The following PTPN5 variants were observed in gnomAD, a reference collection of about 807,000 sequenced individuals.
PTPN5 encodes the protein protein tyrosine phosphatase non-receptor type 5, also known as tyrosine-protein phosphatase non-receptor type 5.
PTPN5 carries 29 observed loss-of-function variants against 73.9 expected under a neutral mutation model. The observed-to-expected ratio is 0.39, with a 90% confidence interval of 0.29 to 0.54. The LOEUF is 0.54. Ranked by LOEUF, PTPN5 falls within the 20% of genes least tolerant of loss-of-function variation. The probability of loss-of-function intolerance (pLI) is 0.65; values close to 1 mark genes in which losing one functional copy is unlikely to be tolerated. For synonymous variants in PTPN5, 267 were observed against 304.7 expected (o/e 0.88, Z 1.29); for missense variants, 652 against 751.4 (o/e 0.87, Z 1.55).
upstream of PTPN5, chr11:18,791,799 G>C (rs1194579927): frequency 1.3e-5 from 2 of 151,996 alleles, no homozygotes; most frequent in African/African-American, 4.8e-5. Flanking sequence ...CTGCAGAGTC[G>C]CTGGCGCAGC....
At chr11:18,783,445 T>A (rs1564933903) in intron 1 of PTPN5, among the ~76,000 whole-genome samples, 1 of 152,238 alleles carries the variant, frequency 6.6e-6, no homozygotes, top group East Asian at 1.9e-4. Flanking sequence ...GAAAGCCTTC[T>A]CTGACCTCCG....
chr11:18,752,971 T>C (rs904068898), intron 3 of PTPN5, among the ~76,000 whole-genome samples: 1 of 152,206 alleles, frequency 6.6e-6, no homozygotes, highest in African/African-American at 2.4e-5. Flanking sequence ...GCCATGCTCA[T>C]CTTTAAGCCT....
In PTPN5 at chr11:18,743,281, A is replaced by G; in HGVS notation, c.399+41T>C. On this transcript the variant is annotated intron_variant, in intron 5 of 14. Coordinates refer to ENST00000358540, the MANE Select transcript of PTPN5 (RefSeq NM_006906.2). ...GGGAGGGTGGGACTAGAGGCCCCCAACAGATCCCTGCTACCCTAGGACTCC... is the reference window on the plus strand; with the variant it reads ...GGGAGGGTGGGACTAGAGGCCCCCAGCAGATCCCTGCTACCCTAGGACTCC... The G allele has an allele frequency of 2.5e-6, 4 of 1,591,714 alleles. No individual in the cohort carries two copies. The East Asian group carries it at 8.9e-5, about 36-fold the overall frequency.
At position 18,753,721 on chromosome 11, in the gene PTPN5, T is replaced by C. The variant is rs569006705; in HGVS notation, c.98-9522A>G. On this transcript the variant is annotated intron_variant, in intron 3 of 14. Coordinates refer to ENST00000358540, the MANE Select transcript of PTPN5 (RefSeq NM_006906.2). ...CCCCAAGGGAGCATGTAAGCCAGTG[T>C]TCTCTCCTGTGCTATGTGTGGTGGG... 6.6e-5 allele frequency among the ~76,000 whole-genome samples: 10 copies of C among 152,294 alleles called. No homozygotes were observed. The South Asian group carries it at 1.5e-3, about 22-fold the overall frequency.
chr11:18,736,946 C>T (rs999755101), intron 9 of PTPN5, among the ~76,000 whole-genome samples: 8 of 152,182 alleles, frequency 5.3e-5, no homozygotes. Context: ...CTTTGTTTAA[C>T]CGGAACTACC....
chr11:18,764,861 C>A (rs540349130), intron 3 of PTPN5, among the ~76,000 whole-genome samples: 1 of 152,040 alleles, frequency 6.6e-6, no homozygotes, highest in East Asian at 1.9e-4. Flanking sequence ...TACAGGCGCC[C>A]GCCACCACGC....
At chr11:18,763,717 G>C (rs947493454) in intron 3 of PTPN5, among the ~76,000 whole-genome samples, 2 of 152,222 alleles carry the variant, frequency 1.3e-5, no homozygotes, top group African/African-American at 4.8e-5. Context: ...CCTAGTACCT[G>C]AGACCTAGTA....
In PTPN5 at chr11:18,742,863, A is replaced by G. The variant is rs1029260802; in HGVS notation, c.483+129T>C. On this transcript the variant is annotated intron_variant, in intron 6 of 14. Coordinates refer to ENST00000358540, the MANE Select transcript of PTPN5 (RefSeq NM_006906.2). The surrounding 1 kb of genome is among the most constrained non-coding windows in gnomAD (Gnocchi z 4.1). ...TTGCCCCAGGCTGGCACACTTGTGC[A>G]AAGAGATAGGTATCCCTCCTTGCCC... 19 of 718,692 alleles carry G rather than the reference A, an allele frequency of 2.6e-5. No individual in the cohort carries two copies. In the Admixed American group the frequency reaches 4.8e-4, roughly 18 times the overall value. 44.5% of individuals were successfully genotyped at this position (718,692 alleles called of 1,614,324 possible).
At chr11:18,775,211 CCTCT>C (rs772184905) in intron 1 of PTPN5, among the ~76,000 whole-genome samples, 10 of 152,246 alleles carry the variant, frequency 6.6e-5, no homozygotes, top group Non-Finnish European at 1.2e-4. Context: ...ACATTCCTAA[CCTCT>C]CTTTCACTTT....
intron 1 of PTPN5, among the ~76,000 whole-genome samples, chr11:18,772,324 C>G (rs1201850109): frequency 6.6e-6 from 1 of 152,196 alleles, no homozygotes; most frequent in African/African-American, 2.4e-5. Context: ...TGCTGGCAAC[C>G]ACAGAACCCA....
At position 18,735,884 on chromosome 11, in the gene PTPN5, G is replaced by A. The variant is rs1849090279; in HGVS notation, c.1000+1996C>T. Among the ~76,000 whole-genome samples the A allele has an allele frequency of 2.6e-5, 4 of 152,156 alleles. No homozygotes were observed. In the South Asian group the frequency reaches 8.3e-4, roughly 32 times the overall value. On this transcript the variant is annotated intron_variant, in intron 9 of 14. Coordinates refer to ENST00000358540, the MANE Select transcript of PTPN5 (RefSeq NM_006906.2). ...TGTTTTGCCTCATTTTGGTGACAAT[G>A]GTAGAAGATGGAGAGGAGAGTGTGG...
chr11:18,763,324 C>A (rs573563458), intron 3 of PTPN5, among the ~76,000 whole-genome samples: 3 of 152,350 alleles, frequency 2.0e-5, no homozygotes, highest in African/African-American at 4.8e-5. Flanking sequence ...ATGGGGACAA[C>A]AGAGGCAGAA....
intron 3 of PTPN5, among the ~76,000 whole-genome samples, chr11:18,762,381 T>A (rs61885161): frequency 0.021 from 3,221 of 152,208 alleles, 55 homozygotes; most frequent in Non-Finnish European, 0.036. Flanking sequence ...TCTAAAGGCC[T>A]AACACTCCAA....
intron 3 of PTPN5, among the ~76,000 whole-genome samples, chr11:18,751,188 G>C (rs1463776329): frequency 2.6e-5 from 4 of 152,204 alleles, no homozygotes; most frequent in African/African-American, 4.8e-5. Flanking sequence ...AGAGGCTGGA[G>C]GTGGCTCCCT....
rs191075184 is a variant in PTPN5, at chr11:18,773,808, A to G, written c.-113-1737T>C. 3.3e-5 allele frequency among the ~76,000 whole-genome samples: 5 copies of G among 152,336 alleles called. No individual in the cohort carries two copies. In the East Asian group the frequency reaches 9.7e-4, roughly 29 times the overall value. On this transcript the variant is annotated intron_variant, in intron 1 of 14. Coordinates refer to ENST00000358540, the MANE Select transcript of PTPN5 (RefSeq NM_006906.2). ...AGCCAAAAAGGTGGGTGTGTCAATC[A>G]GGTAAGAGATGGGGCATCCTAGCCT...
At chr11:18,770,917 G>A (rs962979201) in intron 2 of PTPN5, among the ~76,000 whole-genome samples, 1 of 152,114 alleles carries the variant, frequency 6.6e-6, no homozygotes, top group Non-Finnish European at 1.5e-5. Flanking sequence ...CAAAGGCACC[G>A]CCCCTCTGCC....
chr11:18,773,284 G>A (rs1463006242), intron 1 of PTPN5, among the ~76,000 whole-genome samples: 1 of 149,822 alleles, frequency 6.7e-6, no homozygotes, highest in Non-Finnish European at 1.5e-5. Flanking sequence ...GTAAAAGCTG[G>A]AGCACCTGGG....
At chr11:18,755,928 C>T (rs994539137) in intron 3 of PTPN5, among the ~76,000 whole-genome samples, 2 of 144,284 alleles carry the variant, frequency 1.4e-5, no homozygotes, top group East Asian at 4.3e-4. Context: ...TGCTTGAACC[C>T]GGGAGGTGGA....
At chr11:18,757,286 G>A (rs764260) in intron 3 of PTPN5, among the ~76,000 whole-genome samples, 47,961 of 152,138 alleles carry the variant, frequency 0.32, 9,032 homozygotes, top group Admixed American at 0.47. Flanking sequence ...ATGGAGCAGT[G>A]CAGGGTTTGT....
Sources: gnomAD v4.1 joint callset for allele counts (sites outside exome capture counted in the v4.1 genomes callset) on GRCh38, gnomAD v4.1.1 for gene constraint, Gnocchi (gnomAD v3.1) non-coding constraint, MANE v1.5 for transcripts, NCBI Gene and HGNC (gene_info 2026-07-23, HGNC 2026-07-21) for gene names.